Variants in CAMK2B observed in about 807,000 individuals in gnomAD.
The protein encoded by CAMK2B is calcium/calmodulin-dependent protein kinase type II subunit beta.
In CAMK2B, 27 loss-of-function variants were observed where a neutral mutation model predicts 93.7. The ratio of observed to expected loss-of-function variants is 0.29; its 90% CI spans 0.21 to 0.40. The LOEUF is 0.40. CAMK2B is among the 10% of genes least tolerant of loss of function. CAMK2B has a pLI of 1.00. For synonymous variants in CAMK2B, 374 were observed against 358.8 expected, an observed-to-expected ratio of 1.04 and a Z score of -0.48; for missense variants, 568 against 895.8, an observed-to-expected ratio of 0.63 and a Z score of 4.67.
intron 1 of CAMK2B, among the ~76,000 whole-genome samples, chr7:44,285,165 G>C (rs1784712891): frequency 6.6e-6 from 1 of 152,230 alleles, no homozygotes; most frequent in African/African-American, 2.4e-5. Flanking sequence ...GAGGGGGCCG[G>C]TGCCCACCAG....
At chr7:44,276,100 T>G (rs1477164902) in intron 2 of CAMK2B, among the ~76,000 whole-genome samples, 27 of 70,196 alleles carry the variant, frequency 3.8e-4, no homozygotes, top group Admixed American at 9.6e-4. Flanking sequence ...AGGGAGGAGG[T>G]GGGGAGAGAA....
chr7:44,278,343 T>G (rs1326741983), intron 2 of CAMK2B, among the ~76,000 whole-genome samples: 1 of 152,158 alleles, frequency 6.6e-6, no homozygotes, highest in African/African-American at 2.4e-5. Flanking sequence ...AGGTAGATAC[T>G]TTACAGCTGG....
In CAMK2B at chr7:44,220,309, CG is replaced by C. The variant is rs755356741; in HGVS notation, c.1769-16del. 1.4e-5 allele frequency: 23 copies of C among 1,600,964 alleles called. No homozygotes were observed. The highest frequency in any genetic ancestry group is 2.0e-5 in the Non-Finnish European group (23 of 1,170,102). On this transcript the variant is annotated splice_polypyrimidine_tract_variant and intron_variant, in intron 22 of 23. Coordinates refer to ENST00000395749, the MANE Select transcript of CAMK2B (RefSeq NM_001220.5). Reference sequence around the variant, plus strand: ...CTTGGCCAGCACTGTGGACAGCAGGCGGGGCGGGGGTCTCGGGTTACCATGA... The same window carrying C: ...CTTGGCCAGCACTGTGGACAGCAGGCGGGCGGGGGTCTCGGGTTACCATGA...
chr7:44,223,179 G>A (rs1193629830), intron 20 of CAMK2B, among the ~76,000 whole-genome samples: 4 of 152,214 alleles, frequency 2.6e-5, no homozygotes, highest in African/African-American at 7.2e-5. Context: ...GAGCGTGCAC[G>A]TGTCGTGTGT....
intron 12 of CAMK2B, among the ~76,000 whole-genome samples, chr7:44,240,068 G>A (rs2096662256): frequency 6.6e-6 from 1 of 152,160 alleles, no homozygotes; most frequent in African/African-American, 2.4e-5. Flanking sequence ...ACAGACGCTC[G>A]CACACGGAGT....
Position 44,242,547 on chromosome 7 carries a change from C to A in CAMK2B, c.696+13G>T. On this transcript the variant is annotated intron_variant, in intron 9 of 23. Coordinates refer to ENST00000395749, the MANE Select transcript of CAMK2B (RefSeq NM_001220.5). ...AGGAAGGGAGCTCATCAGAGAGGGG[C>A]TGGTGCACTCACGTCATAGGCACCA... 2 of 1,596,310 alleles carry A rather than the reference C, an allele frequency of 1.3e-6. No homozygotes were observed. Among genetic ancestry groups the A allele is most frequent in the South Asian group, 2.2e-5 (2 of 89,990 alleles).
intron 1 of CAMK2B, among the ~76,000 whole-genome samples, chr7:44,308,096 C>T (rs1224956255): frequency 6.6e-6 from 1 of 152,218 alleles, no homozygotes; most frequent in Non-Finnish European, 1.5e-5. Context: ...CCTGCTGTGG[C>T]CTCACCCACA....
intron 12 of CAMK2B, 123 bp from the exon 13 acceptor site, chr7:44,239,786 T>C: frequency 1.4e-6 from 1 of 693,898 alleles, no homozygotes; most frequent in Admixed American, 2.2e-5. Context: ...AAAGTTTAGG[T>C]GACAGATGGT....
intron 2 of CAMK2B, among the ~76,000 whole-genome samples, chr7:44,267,308 G>C (rs921862297): frequency 6.6e-6 from 1 of 152,224 alleles, no homozygotes; most frequent in African/African-American, 2.4e-5. Flanking sequence ...TGTTACAGCA[G>C]AGTGATGAGC....
chr7:44,276,775 C>G (rs550277730), intron 2 of CAMK2B, among the ~76,000 whole-genome samples: 1 of 152,190 alleles, frequency 6.6e-6, no homozygotes, highest in Non-Finnish European at 1.5e-5. Flanking sequence ...CCACGCTGGC[C>G]GAACCCTCGG....
chr7:44,297,125 T>C (rs1365737548), intron 1 of CAMK2B, among the ~76,000 whole-genome samples: 2 of 152,188 alleles, frequency 1.3e-5, no homozygotes, highest in African/African-American at 2.4e-5. Flanking sequence ...GAAAGCAACA[T>C]TATCAGGGAT....
intron 1 of CAMK2B, among the ~76,000 whole-genome samples, chr7:44,314,087 T>G (rs1794244213): frequency 6.6e-6 from 1 of 152,168 alleles, no homozygotes; most frequent in Non-Finnish European, 1.5e-5. Context: ...GAGCTTTTAT[T>G]TTCTGAGTAG....
At position 44,219,345 on chromosome 7, in the gene CAMK2B, T is replaced by G. The variant is rs1325157539; in HGVS notation, c.*180A>C. 4.9e-5 allele frequency: 2 copies of G among 41,046 alleles called. No homozygotes were observed. Among genetic ancestry groups the G allele is most frequent in the East Asian group, 8.0e-4 (1 of 1,250 alleles). The allele number at this position is 41,046 out of a possible 1,614,324, so 2.5% of individuals were successfully genotyped here. A position where few individuals can be genotyped will look rare whatever the true frequency, so the allele number is the denominator to read the frequency against. On this transcript the variant is annotated 3_prime_UTR_variant, in exon 24 of 24. Coordinates refer to ENST00000395749, the MANE Select transcript of CAMK2B (RefSeq NM_001220.5). ...TTTTGTGGTTGTCGTCGTCATCTTG[T>G]TTTTTTTTTTTTTTTTTTTGTTTTT...
At chr7:44,279,483 T>A (rs1356542242) in intron 2 of CAMK2B, among the ~76,000 whole-genome samples, 1 of 152,198 alleles carries the variant, frequency 6.6e-6, no homozygotes, top group Non-Finnish European at 1.5e-5. Flanking sequence ...CAGAGAGGCA[T>A]CCTGCGGGAA....
chr7:44,294,594 A>G (rs1787774600), intron 1 of CAMK2B, among the ~76,000 whole-genome samples: 1 of 152,328 alleles, frequency 6.6e-6, no homozygotes, highest in Middle Eastern at 3.4e-3. Flanking sequence ...CTATGAGTCA[A>G]CAGGCTACCT....
At position 44,218,236 on chromosome 7, in the gene CAMK2B, A is replaced by T. The variant is rs2096361272; in HGVS notation, c.*1289T>A. The T allele has an allele frequency of 6.5e-6, 1 of 153,018 alleles. No homozygotes were observed. Among genetic ancestry groups the T allele is most frequent in the Admixed American group, 6.5e-5 (1 of 15,294 alleles). The allele number at this position is 153,018 out of a possible 1,614,324, so 9.5% of individuals were successfully genotyped here. ...TTGCTCCCTTCTGCTCCCGGCCCAG[A>T]TTCCAAAGGCACTCCCACTTCAGTA... On this transcript the variant is annotated 3_prime_UTR_variant, in exon 24 of 24. Transcript: ENST00000395749.
intron 12 of CAMK2B, among the ~76,000 whole-genome samples, chr7:44,240,088 C>T (rs763708014): frequency 1.3e-5 from 2 of 152,218 alleles, no homozygotes; most frequent in South Asian, 2.1e-4. Flanking sequence ...TGTCGGACGA[C>T]GGAGAAGCCA....
intron 5 of CAMK2B, among the ~76,000 whole-genome samples, chr7:44,250,051 C>G (rs2096765802): frequency 2.0e-5 from 3 of 152,240 alleles, no homozygotes; most frequent in South Asian, 4.1e-4. Flanking sequence ...TGTCACGCAG[C>G]CTCCAGGCCC....
intron 3 of CAMK2B, among the ~76,000 whole-genome samples, chr7:44,260,040 ACCAG>A (rs1430898833): frequency 6.6e-6 from 1 of 152,234 alleles, no homozygotes; most frequent in Non-Finnish European, 1.5e-5. Flanking sequence ...CCTGCACTGC[ACCAG>A]CCTTATTCCC....
Sources: gnomAD v4.1 joint callset for allele counts (sites outside exome capture counted in the v4.1 genomes callset) on GRCh38, gnomAD v4.1.1 for gene constraint, MANE v1.5 for transcripts, NCBI Gene and HGNC (gene_info 2026-07-23, HGNC 2026-07-21) for gene names.